The following HSPA12A variants were observed in gnomAD, a reference collection of about 807,000 sequenced individuals.
HSPA12A encodes the protein heat shock 70 kDa protein 12A.
In HSPA12A, 28 loss-of-function variants were observed where a neutral mutation model predicts 69.2. The observed-to-expected ratio is 0.40, with a 90% CI of 0.30 to 0.55. HSPA12A has a LOEUF of 0.55. Among genes scored for constraint, HSPA12A ranks in the 20% least tolerant of loss-of-function variants. HSPA12A has a pLI of 0.38. For missense variants in HSPA12A, 686 were observed against 900.7 expected (o/e 0.76, Z 3.05); for synonymous variants, 345 against 370.5 (o/e 0.93, Z 0.79).
At chr10:116,759,086 G>C (rs1476914121) in intron 2 of HSPA12A, among the ~76,000 whole-genome samples, 1 of 152,242 alleles carries the variant, frequency 6.6e-6, no homozygotes, top group African/African-American at 2.4e-5. Flanking sequence ...ATGTCAGCCA[G>C]CTCTTCCTCT....
At chr10:116,761,548 T>C (rs1589690537) in intron 2 of HSPA12A, among the ~76,000 whole-genome samples, 1 of 142,366 alleles carries the variant, frequency 7.0e-6, no homozygotes, top group Admixed American at 7.4e-5. Flanking sequence ...ATCTACGTAG[T>C]GAAGAACTCA....
chr10:116,770,102 T>A (rs115135726), intron 2 of HSPA12A, among the ~76,000 whole-genome samples: 2 of 152,136 alleles, frequency 1.3e-5, no homozygotes, highest in Non-Finnish European at 2.9e-5. Flanking sequence ...CATAGTTCCA[T>A]TGATCCTCAG....
chr10:116,685,638 GAAA>G (rs202232720), intron 6 of HSPA12A, among the ~76,000 whole-genome samples: 1 of 80,138 alleles, frequency 1.2e-5, no homozygotes, highest in Non-Finnish European at 2.7e-5. Flanking sequence ...TCCATCTCAA[GAAA>G]AAAAAAAAAA....
intron 10 of HSPA12A, among the ~76,000 whole-genome samples, chr10:116,677,148 G>A (rs556741506): frequency 9.8e-5 from 15 of 152,304 alleles, no homozygotes; most frequent in African/African-American, 2.6e-4. Flanking sequence ...GGATAACTGC[G>A]CTTGCCTTAC....
chr10:116,721,678 A>C (rs1209201626), intron 1 of HSPA12A, among the ~76,000 whole-genome samples: 2 of 152,078 alleles, frequency 1.3e-5, no homozygotes, highest in East Asian at 3.9e-4. Flanking sequence ...CCTCCCCGGC[A>C]CTGAAATGCA....
chr10:116,709,009 T>C (rs1850343988), intron 1 of HSPA12A, among the ~76,000 whole-genome samples: 1 of 152,062 alleles, frequency 6.6e-6, no homozygotes, highest in Non-Finnish European at 1.5e-5. Flanking sequence ...AAGTACAGAA[T>C]TACCATATGA....
chr10:116,693,354 G>C (rs1479983628), intron 5 of HSPA12A, among the ~76,000 whole-genome samples: 1 of 152,254 alleles, frequency 6.6e-6, no homozygotes, highest in African/African-American at 2.4e-5. Flanking sequence ...CCTGGTTCAC[G>C]GGGACAAAAT....
chr10:116,782,013 A>G (rs558139949), intron 2 of HSPA12A, among the ~76,000 whole-genome samples: 31 of 152,204 alleles, frequency 2.0e-4, no homozygotes, highest in Non-Finnish European at 3.8e-4. Context: ...TCCAGGATGC[A>G]TAAAAACTCC....
intron 2 of HSPA12A, chr10:116,832,620 A>G (rs1474724381): frequency 6.6e-6 from 1 of 152,152 alleles, no homozygotes; most frequent in Non-Finnish European, 1.5e-5. Context: ...CCTTTTTCAA[A>G]TATGTCCTGT....
chr10:116,685,042 G>C (rs1169079136), intron 6 of HSPA12A, among the ~76,000 whole-genome samples: 1 of 152,204 alleles, frequency 6.6e-6, no homozygotes, highest in African/African-American at 2.4e-5. Context: ...TCAGTTGCCA[G>C]CCCGATGGAC....
chr10:116,774,997 G>GCTC (rs5788192), intron 2 of HSPA12A, among the ~76,000 whole-genome samples: 1 of 152,024 alleles, frequency 6.6e-6, no homozygotes, highest in Non-Finnish European at 1.5e-5. Context: ...CAACTGTGCT[G>GCTC]CTTTGGGGGA....
intron 2 of HSPA12A, among the ~76,000 whole-genome samples, chr10:116,813,263 T>TTTTTTTTTTG: frequency 1.4e-5 from 2 of 147,382 alleles, no homozygotes; most frequent in African/African-American, 2.5e-5. Flanking sequence ...TTTTTTTTTT[T>TTTTTTTTTTG]GAGATGGAGT....
chr10:116,718,800 A>T (rs903439718), intron 1 of HSPA12A, among the ~76,000 whole-genome samples: 1 of 151,826 alleles, frequency 6.6e-6, no homozygotes, highest in Non-Finnish European at 1.5e-5. Context: ...AAGGGAAGAA[A>T]ATGCTGGGTA....
chr10:116,679,380 T>G (rs1219818298), intron 10 of HSPA12A, 123 bp downstream of exon 10: 91 of 1,200,050 alleles, frequency 7.6e-5, no homozygotes, highest in Non-Finnish European at 1.4e-5. Flanking sequence ...TTGAGTCCCT[T>G]GCCCAAGGTC....
chr10:116,746,548 G>C (rs1276832560), upstream of HSPA12A, among the ~76,000 whole-genome samples: 1 of 152,174 alleles, frequency 6.6e-6, no homozygotes, highest in Non-Finnish European at 1.5e-5. Flanking sequence ...CACCTCAGGG[G>C]ACCTGGGACA....
chr10:116,840,566 G>C (rs1845787484), intron 1 of HSPA12A, among the ~76,000 whole-genome samples: 1 of 152,148 alleles, frequency 6.6e-6, no homozygotes, highest in Non-Finnish European at 1.5e-5. Context: ...CAAAGTTCAG[G>C]TCAGGTCCAT....
chr10:116,835,829 C>T (rs1029092430), intron 1 of HSPA12A, among the ~76,000 whole-genome samples: 2 of 152,158 alleles, frequency 1.3e-5, no homozygotes, highest in African/African-American at 4.8e-5. Flanking sequence ...GAGAGCTTTA[C>T]TCATCCCTGA....
At chr10:116,800,718 G>A (rs982781234) in intron 2 of HSPA12A, among the ~76,000 whole-genome samples, 4 of 152,170 alleles carry the variant, frequency 2.6e-5, no homozygotes, top group African/African-American at 9.6e-5. Context: ...ACAGTCCAGG[G>A]TAGCCTGAGC....
intron 5 of HSPA12A, among the ~76,000 whole-genome samples, chr10:116,695,583 G>A (rs1392197231): frequency 6.6e-6 from 1 of 151,930 alleles, no homozygotes; most frequent in Non-Finnish European, 1.5e-5. Context: ...TTGGGAGGCC[G>A]AGGCGGGCGG....
Sources: allele counts gnomAD v4.1 joint callset (sites outside exome capture counted in the v4.1 genomes callset), GRCh38; gene constraint gnomAD v4.1.1; transcripts MANE v1.5; gene names NCBI Gene and HGNC (gene_info 2026-07-23, HGNC 2026-07-21).